The following FBXO45 variants were observed in gnomAD, a reference collection of about 807,000 sequenced individuals.
The protein encoded by FBXO45 is F-box/SPRY domain-containing protein 1.
A neutral mutation model predicts 25.5 loss-of-function variants in FBXO45; 3 were observed. The ratio of observed to expected loss-of-function variants is 0.12; its 90% confidence interval spans 0.05 to 0.30. The LOEUF (loss-of-function observed/expected upper bound fraction) is 0.30. FBXO45 is among the 10% of genes least tolerant of loss of function. The pLI is 1.00. For missense variants in FBXO45, 219 were observed against 365.0 expected (o/e 0.60, Z 3.26); for synonymous variants, 155 against 149.8 (o/e 1.03, Z -0.25).
In FBXO45 at chr3:196,569,357, C is replaced by A; in HGVS notation, c.318+55C>A. On this transcript the variant is annotated intron_variant, in intron 1 of 2. Transcript: ENST00000311630. The surrounding 1 kb of genome is among the most constrained non-coding windows in gnomAD (Gnocchi z 4.1). ...CCCAGTCCCGCTCCCCGGCGTCGTT[C>A]GCGGTGTTTCTCATCCGAGCTTCTG... 2.1e-6 allele frequency: 3 copies of A among 1,429,530 alleles called. No individual in the cohort carries two copies. Among genetic ancestry groups the A allele is most frequent in the South Asian group, 1.4e-5 (1 of 70,054 alleles). 88.6% of individuals were successfully genotyped at this position (1,429,530 alleles called of 1,614,324 possible).
chr3:196,570,111 A>G (rs1735771020), intron 1 of FBXO45, among the ~76,000 whole-genome samples: 1 of 151,966 alleles, frequency 6.6e-6, no homozygotes, highest in South Asian at 2.1e-4. Flanking sequence ...CTCAGGCCGA[A>G]TAAACAAAGG....
At chr3:196,580,549 T>C (rs1735991249) in intron 2 of FBXO45, among the ~76,000 whole-genome samples, 4 of 152,166 alleles carry the variant, frequency 2.6e-5, no homozygotes, top group Admixed American at 2.6e-4. Flanking sequence ...GGTCTCGAAC[T>C]CCCAACCTCA....
At chr3:196,582,822 T>C (rs927995854) in intron 2 of FBXO45, among the ~76,000 whole-genome samples, 2 of 152,242 alleles carry the variant, frequency 1.3e-5, no homozygotes, top group African/African-American at 4.8e-5. Context: ...CCACATTACA[T>C]GTGGAACTGC....
rs1453263379 is a variant in FBXO45 at position 196,587,655 on chromosome 3, G to C, written c.*3337G>C. 1 of 152,206 alleles carries C rather than the reference G, an allele frequency of 6.6e-6. No individual in the cohort carries two copies. The highest frequency in any genetic ancestry group is 1.9e-4 in the East Asian group (1 of 5,196). 9.4% of individuals were successfully genotyped at this position (152,206 alleles called of 1,614,324 possible). ...TCCTGCCTCAGCCTCCCAAGTAGCT[G>C]GGATTACAGGTGTATGCCACTATAC... On this transcript the variant is annotated 3_prime_UTR_variant, in exon 3 of 3. Coordinates refer to ENST00000311630, the MANE Select transcript of FBXO45 (RefSeq NM_001105573.2).
chr3:196,578,177 C>T (rs1227354142), intron 2 of FBXO45, among the ~76,000 whole-genome samples: 1 of 151,022 alleles, frequency 6.6e-6, no homozygotes, highest in Non-Finnish European at 1.5e-5. Context: ...GTTGGGATTA[C>T]AGGCGCCCAC....
rs1167353332 is a variant in FBXO45 at position 196,585,475 on chromosome 3, G to A, written c.*1157G>A. 1 of 152,056 alleles carries A rather than the reference G, an allele frequency of 6.6e-6. No individual in the cohort carries two copies. Among genetic ancestry groups the A allele is most frequent in the Non-Finnish European group, 1.5e-5 (1 of 68,002 alleles). 9.4% of individuals were successfully genotyped at this position (152,056 alleles called of 1,614,324 possible). A position where few individuals can be genotyped will look rare whatever the true frequency, so the allele number is the denominator to read the frequency against. ...TCGTTATTGGGGCTATAAAGAAAAC[G>A]TTTACTTACCCAGCTGAAACAGGTT... On this transcript the variant is annotated 3_prime_UTR_variant, in exon 3 of 3. Coordinates refer to ENST00000311630, the MANE Select transcript of FBXO45 (RefSeq NM_001105573.2).
In FBXO45 at chr3:196,584,572, A is replaced by C; in HGVS notation, c.*254A>C. 1 of 351,150 alleles carries C rather than the reference A, an allele frequency of 2.8e-6. No individual in the cohort carries two copies. The allele number at this position is 351,150 out of a possible 1,614,324, so 21.8% of individuals were successfully genotyped here. A position where few individuals can be genotyped will look rare whatever the true frequency, so the allele number is the denominator to read the frequency against. ...CATGTTGCACCCGATGTTGTCTCTA[A>C]GTTAGCAATGTGTTATTTCCAGCTT... On this transcript the variant is annotated 3_prime_UTR_variant, in exon 3 of 3. Coordinates refer to ENST00000311630, the MANE Select transcript of FBXO45 (RefSeq NM_001105573.2). This position sits in a 1 kb window ranked among gnomAD's most constrained non-coding sequence, Gnocchi z 4.3.
rs772638991 is a variant in FBXO45 at position 196,577,433 on chromosome 3, TC to T, written c.319-19del. ...AAAAATAAAATTGTTATTTATTTGG[TC>T]TGTTTTTCATCTTTTTAGATACGTG... On this transcript the variant is annotated intron_variant, in intron 1 of 2. Transcript: ENST00000311630. The T allele has an allele frequency of 6.7e-7, 1 of 1,501,258 alleles. No individual in the cohort carries two copies. The highest frequency in any genetic ancestry group is 1.4e-5 in the African/African-American group (1 of 72,216). 93.0% of individuals were successfully genotyped at this position (1,501,258 alleles called of 1,614,324 possible). A position where few individuals can be genotyped will look rare whatever the true frequency, so the allele number is the denominator to read the frequency against.
In FBXO45 at chr3:196,577,825, T is replaced by TC; in HGVS notation, c.675+16_675+17insC. ...AAAATATCAGGTGAGAAACTGGGGT[T>TC]TTTCTCAAGTATGGGCCTTTGTCAA... On this transcript the variant is annotated intron_variant, in intron 2 of 2. Transcript: ENST00000311630. 6.5e-7 allele frequency: 1 copy of TC among 1,529,334 alleles called. No homozygotes were observed. Among genetic ancestry groups the TC allele is most frequent in the Non-Finnish European group, 8.9e-7 (1 of 1,120,194 alleles). The allele number at this position is 1,529,334 out of a possible 1,614,324, so 94.7% of individuals were successfully genotyped here.
At chr3:196,580,636 CTT>C (rs1735993382) in intron 2 of FBXO45, among the ~76,000 whole-genome samples, 2 of 152,184 alleles carry the variant, frequency 1.3e-5, no homozygotes, top group South Asian at 4.1e-4. Flanking sequence ...CGGTCTCTGA[CTT>C]TTAAGTGTTT....
chr3:196,581,255 A>G (rs531908970), intron 2 of FBXO45, among the ~76,000 whole-genome samples: 2 of 28,004 alleles, frequency 7.1e-5, no homozygotes, highest in East Asian at 1.4e-3. Flanking sequence ...TTTTTTTGAG[A>G]CAGTCTCACT....
intron 1 of FBXO45, among the ~76,000 whole-genome samples, chr3:196,574,558 G>A (rs965836114): frequency 4.6e-5 from 7 of 152,108 alleles, no homozygotes; most frequent in South Asian, 2.1e-4. Flanking sequence ...CTCTCAGCTC[G>A]ATTTTGCGGA....
At chr3:196,581,454 C>T (rs1736011940) in intron 2 of FBXO45, among the ~76,000 whole-genome samples, 1 of 151,872 alleles carries the variant, frequency 6.6e-6, no homozygotes. Context: ...TGGTCTCGAT[C>T]TCTTGACCTC....
rs1383941326 is a variant in FBXO45 at position 196,583,712 on chromosome 3, T to C, written c.676-421T>C. Reference sequence around the variant, plus strand: ...TGTAAGTAATTAAGTGTAGATTCCATGTGAGTCTTAAAAACAAAACTATCA... The same window carrying C: ...TGTAAGTAATTAAGTGTAGATTCCACGTGAGTCTTAAAAACAAAACTATCA... On this transcript the variant is annotated intron_variant, in intron 2 of 2. Transcript: ENST00000311630. 2.0e-5 allele frequency among the ~76,000 whole-genome samples: 3 copies of C among 151,014 alleles called. No individual in the cohort carries two copies. In the East Asian group the frequency reaches 5.8e-4, roughly 29 times the overall value.
At chr3:196,577,856 G>A (rs1347314320) in intron 2 of FBXO45, 47 bp downstream of exon 2, 10 of 1,209,068 alleles carry the variant, frequency 8.3e-6, no homozygotes, top group East Asian at 2.8e-5. Context: ...GTCAAATCAC[G>A]CCTTAATTTG....
At chr3:196,583,255 C>T (rs1736047198) in intron 2 of FBXO45, among the ~76,000 whole-genome samples, 1 of 152,126 alleles carries the variant, frequency 6.6e-6, no homozygotes, top group South Asian at 2.1e-4. Context: ...TGCCTGTAAT[C>T]CCAGCACTTT....
At chr3:196,579,145 TA>T (rs1256849737) in intron 2 of FBXO45, among the ~76,000 whole-genome samples, 1 of 152,226 alleles carries the variant, frequency 6.6e-6, no homozygotes, top group African/African-American at 2.4e-5. Context: ...TTCCTATTTG[TA>T]AAAGCCGTAT....
intron 2 of FBXO45, among the ~76,000 whole-genome samples, chr3:196,579,801 T>C (rs1735977449): frequency 6.6e-6 from 1 of 152,248 alleles, no homozygotes; most frequent in African/African-American, 2.4e-5. Context: ...GCTTCATGTA[T>C]TTTGGAGCTC....
chr3:196,569,959 C>T lies in FBXO45; in HGVS notation c.318+657C>T, dbSNP rs1050988173. Among the ~76,000 whole-genome samples, 2 of 152,130 alleles carry T rather than the reference C, an allele frequency of 1.3e-5. No homozygotes were observed. The highest frequency in any genetic ancestry group is 2.9e-5 in the Non-Finnish European group (2 of 68,032). On this transcript the variant is annotated intron_variant, in intron 1 of 2. Transcript: ENST00000311630. This position sits in a 1 kb window ranked among gnomAD's most constrained non-coding sequence, Gnocchi z 4.1. ...TTCCTTGCTAACTTTTTAATAGTTC[C>T]ACATTGATGGTGTCTCTCTTTTTCT...
Sources: gnomAD v4.1 joint callset for allele counts (sites outside exome capture counted in the v4.1 genomes callset) on GRCh38, gnomAD v4.1.1 for gene constraint, Gnocchi (gnomAD v3.1) non-coding constraint, MANE v1.5 for transcripts, NCBI Gene and HGNC (gene_info 2026-07-23, HGNC 2026-07-21) for gene names.